Variants in UBE2H observed in about 807,000 individuals in gnomAD.
The protein encoded by UBE2H is ubiquitin conjugating enzyme E2 H.
Under a neutral mutation model 29.0 loss-of-function variants are expected in UBE2H, and 3 were observed. The ratio of observed to expected loss-of-function variants is 0.10; its 90% CI spans 0.05 to 0.27. The LOEUF is 0.27. Ranked by LOEUF, UBE2H falls within the 10% of genes least tolerant of loss-of-function variation. The probability of loss-of-function intolerance (pLI) is 1.00; values close to 1 mark genes in which losing one functional copy is unlikely to be tolerated. For missense variants in UBE2H, 68 were observed against 228.2 expected (o/e 0.30, Z 4.52); for synonymous variants, 69 against 82.9 (o/e 0.83, Z 0.91).
chr7:129,941,789 T>C (rs1262636394), intron 1 of UBE2H, among the ~76,000 whole-genome samples: 1 of 152,176 alleles, frequency 6.6e-6, no homozygotes, highest in Non-Finnish European at 1.5e-5. Context: ...AAATTGTTTA[T>C]AATTTATCAG....
rs867384991 is a variant in UBE2H, at chr7:129,880,832, A to G, written c.130+63T>C. 14 of 1,453,214 alleles carry G rather than the reference A, an allele frequency of 9.6e-6. No individual in the cohort carries two copies. In the Middle Eastern group the frequency reaches 1.2e-3, roughly 129 times the overall value. 90.0% of individuals were successfully genotyped at this position (1,453,214 alleles called of 1,614,324 possible). ...ACGCATGCTACCATCTGTCTTTGAT[A>G]TTCTATTAAGAAACAGAGTAAAAGA... On this transcript the variant is annotated intron_variant, in intron 2 of 6. Transcript: ENST00000355621.
At chr7:129,915,828 C>T (rs1239041913) in intron 1 of UBE2H, among the ~76,000 whole-genome samples, 1 of 152,152 alleles carries the variant, frequency 6.6e-6, no homozygotes, top group Non-Finnish European at 1.5e-5. Context: ...TTTGAGCTCC[C>T]TTTGTATCTC....
intron 1 of UBE2H, among the ~76,000 whole-genome samples, chr7:129,937,089 G>C (rs1196007470): frequency 1.3e-5 from 2 of 152,236 alleles, no homozygotes; most frequent in East Asian, 3.9e-4. Context: ...CAGCACTCTG[G>C]GAGGCTGAGG....
intron 5 of UBE2H, among the ~76,000 whole-genome samples, chr7:129,841,800 C>T (rs985545164): frequency 6.6e-5 from 10 of 152,084 alleles, no homozygotes; most frequent in South Asian, 6.2e-4. Flanking sequence ...TCATGTACCA[C>T]GAAAGAAATC....
intron 3 of UBE2H, among the ~76,000 whole-genome samples, chr7:129,865,410 C>T (rs1281852442): frequency 6.6e-6 from 1 of 152,066 alleles, no homozygotes; most frequent in Non-Finnish European, 1.5e-5. Flanking sequence ...CATCTTTGTT[C>T]CCTTTATTTG....
intron 3 of UBE2H, among the ~76,000 whole-genome samples, chr7:129,864,288 A>G (rs1390471802): frequency 6.6e-6 from 1 of 152,186 alleles, no homozygotes; most frequent in Non-Finnish European, 1.5e-5. Context: ...AATTCGGAAA[A>G]GGAATGTTCT....
rs1339250098 is a variant in UBE2H at position 129,952,679 on chromosome 7, G to A, written c.-124C>T. On this transcript the variant is annotated 5_prime_UTR_variant, in exon 1 of 7. Transcript: ENST00000355621. ...GTGGCAACACCCCCGCGGTCCCGGCGGTCCCGTCAGCCGCCGCCGCCGCCC... is the reference window on the plus strand; with the variant it reads ...GTGGCAACACCCCCGCGGTCCCGGCAGTCCCGTCAGCCGCCGCCGCCGCCC... 3 of 1,140,080 alleles carry A rather than the reference G, an allele frequency of 2.6e-6. No individual in the cohort carries two copies. The highest frequency in any genetic ancestry group is 1.2e-6 in the Non-Finnish European group (1 of 862,186). The allele number at this position is 1,140,080 out of a possible 1,614,324, so 70.6% of individuals were successfully genotyped here. A position where few individuals can be genotyped will look rare whatever the true frequency, so the allele number is the denominator to read the frequency against.
intron 1 of UBE2H, among the ~76,000 whole-genome samples, chr7:129,894,096 G>A (rs754657636): frequency 6.6e-6 from 1 of 152,130 alleles, no homozygotes; most frequent in African/African-American, 2.4e-5. Context: ...CAGAGGTTGT[G>A]GTGAGCTGAG....
At chr7:129,936,593 CA>C (rs35593803) in intron 1 of UBE2H, among the ~76,000 whole-genome samples, 72,452 of 119,416 alleles carry the variant, frequency 0.61, 19,701 homozygotes, top group Middle Eastern at 0.71. Context: ...GACTCCATCT[CA>C]AAAAAAAAAA....
intron 5 of UBE2H, among the ~76,000 whole-genome samples, chr7:129,840,053 C>G (rs1240629960): frequency 1.3e-5 from 2 of 152,118 alleles, no homozygotes; most frequent in Non-Finnish European, 2.9e-5. Flanking sequence ...TCAATTCTTG[C>G]AACTTCTAAT....
chr7:129,832,120 T>C lies in UBE2H; in HGVS notation c.*2817A>G, dbSNP rs1805239708. ...TGCTCCAGACTTACGCTACCATCTA[T>C]TGTTGGGGGCCCAGAGTCCTTGGAT... On this transcript the variant is annotated 3_prime_UTR_variant, in exon 7 of 7. Transcript: ENST00000355621. The C allele has an allele frequency of 6.6e-6, 1 of 152,246 alleles. No individual in the cohort carries two copies. The highest frequency in any genetic ancestry group is 2.1e-4 in the South Asian group (1 of 4,832). The allele number at this position is 152,246 out of a possible 1,614,324, so 9.4% of individuals were successfully genotyped here. A position where few individuals can be genotyped will look rare whatever the true frequency, so the allele number is the denominator to read the frequency against.
At chr7:129,871,678 C>T (rs1806036035) in intron 3 of UBE2H, among the ~76,000 whole-genome samples, 1 of 149,412 alleles carries the variant, frequency 6.7e-6, no homozygotes, top group Non-Finnish European at 1.5e-5. Flanking sequence ...TGTGCCATTG[C>T]ACTCCAGCCT....
chr7:129,911,655 A>G (rs1029352464), intron 1 of UBE2H, among the ~76,000 whole-genome samples: 1 of 152,062 alleles, frequency 6.6e-6, no homozygotes, highest in African/African-American at 2.4e-5. Context: ...ATTATTTTTT[A>G]GAGACAGGGT....
intron 1 of UBE2H, among the ~76,000 whole-genome samples, chr7:129,942,021 C>T (rs1807655633): frequency 6.6e-6 from 1 of 151,684 alleles, no homozygotes; most frequent in African/African-American, 2.4e-5. Context: ...ACCAGTTTGG[C>T]CAACATGGCG....
At chr7:129,930,765 G>A (rs1440264021) in intron 1 of UBE2H, among the ~76,000 whole-genome samples, 1 of 151,610 alleles carries the variant, frequency 6.6e-6, no homozygotes, top group Non-Finnish European at 1.5e-5. Flanking sequence ...AAAATTAGCC[G>A]GGCATGGTGG....
At chr7:129,907,296 G>A (rs1806838233) in intron 1 of UBE2H, among the ~76,000 whole-genome samples, 1 of 152,114 alleles carries the variant, frequency 6.6e-6, no homozygotes, top group Admixed American at 6.6e-5. Context: ...TATGACAGCT[G>A]TCGGGATGCA....
At chr7:129,890,709 C>G (rs1263922876) in intron 1 of UBE2H, among the ~76,000 whole-genome samples, 2 of 152,080 alleles carry the variant, frequency 1.3e-5, no homozygotes, top group Non-Finnish European at 2.9e-5. Flanking sequence ...AAACACAGGA[C>G]AGCAGGAATC....
At chr7:129,912,520 A>C (rs2116450514) in intron 1 of UBE2H, among the ~76,000 whole-genome samples, 1 of 152,254 alleles carries the variant, frequency 6.6e-6, no homozygotes, top group Admixed American at 6.5e-5. Flanking sequence ...GGGCTCATTT[A>C]TGTTTCATAT....
chr7:129,849,303 C>T (rs538888393), intron 5 of UBE2H, among the ~76,000 whole-genome samples: 3 of 152,316 alleles, frequency 2.0e-5, no homozygotes, highest in Non-Finnish European at 2.9e-5. Flanking sequence ...TTGAGCCGGG[C>T]GCAGTGGCTC....
Sources: allele counts gnomAD v4.1 joint callset (sites outside exome capture counted in the v4.1 genomes callset), GRCh38; gene constraint gnomAD v4.1.1; transcripts MANE v1.5; gene names NCBI Gene and HGNC (gene_info 2026-07-23, HGNC 2026-07-21).